Variants in TENM4 observed in about 807,000 individuals in gnomAD.
The protein encoded by TENM4 is teneurin transmembrane protein 4, also known as teneurin-4.
In TENM4, 82 loss-of-function variants were observed where a neutral mutation model predicts 243.3. That is an observed-to-expected ratio of 0.34 (90% CI 0.28 to 0.40). TENM4 has a LOEUF of 0.40. Ranked by LOEUF, TENM4 falls within the 10% of genes least tolerant of loss-of-function variation. The pLI is 1.00. For missense variants in TENM4, 3,138 were observed against 3,673.3 expected (o/e 0.85, Z 3.77); for synonymous variants, 1,412 against 1,456.3 (o/e 0.97, Z 0.69).
Position 78,778,284 on chromosome 11 carries a change from C to T in TENM4, c.2392+318G>A, listed in dbSNP as rs535993317. On this transcript the variant is annotated intron_variant, in intron 17 of 33. Coordinates refer to ENST00000278550, the MANE Select transcript of TENM4 (RefSeq NM_001098816.3). ...GGGCCATAACAGATGGGCAGGGTGA[C>T]ATGAGATGGGGTGGAAAGAGTGAAA... 2.5e-5 allele frequency among the ~76,000 whole-genome samples: 3 copies of T among 118,598 alleles called. No individual in the cohort carries two copies. In the East Asian group the frequency reaches 8.7e-4, roughly 35 times the overall value. The allele number at this position is 118,598 out of a possible 152,430, so 77.8% of individuals were successfully genotyped here.
At chr11:78,794,718 G>A (rs759112899) in intron 15 of TENM4, among the ~76,000 whole-genome samples, 4 of 152,188 alleles carry the variant, frequency 2.6e-5, no homozygotes, top group Non-Finnish European at 5.9e-5. Flanking sequence ...AGCAGAAAAT[G>A]TAGAAGGAGA....
chr11:79,332,097 T>C (rs1377380555), intron 1 of TENM4, among the ~76,000 whole-genome samples: 3 of 152,210 alleles, frequency 2.0e-5, no homozygotes, highest in African/African-American at 4.8e-5. Context: ...GTAAAGTAGT[T>C]TTGATTATTA....
intron 9 of TENM4, among the ~76,000 whole-genome samples, chr11:78,869,461 A>G (rs917682463): frequency 1.3e-5 from 2 of 152,212 alleles, no homozygotes. Context: ...CAGCATTAAA[A>G]AGGAAGCCTC....
intron 6 of TENM4, among the ~76,000 whole-genome samples, chr11:78,922,523 GA>G (rs1219401979): frequency 6.6e-6 from 1 of 152,060 alleles, no homozygotes; most frequent in Admixed American, 6.5e-5. Context: ...TCCTACATGC[GA>G]AAAAAACAGA....
At chr11:78,858,258 G>A (rs1858726538) in intron 10 of TENM4, among the ~76,000 whole-genome samples, 1 of 152,154 alleles carries the variant, frequency 6.6e-6, no homozygotes, top group Non-Finnish European at 1.5e-5. Context: ...GCATAAATAA[G>A]TTGGCTCTTA....
chr11:79,179,187 C>A (rs542060912), intron 3 of TENM4, among the ~76,000 whole-genome samples: 1 of 152,324 alleles, frequency 6.6e-6, no homozygotes, highest in East Asian at 1.9e-4. Flanking sequence ...TTGCCAACTA[C>A]CTCACAACGT....
chr11:79,216,533 G>T (rs1864053838), intron 2 of TENM4, among the ~76,000 whole-genome samples: 1 of 152,226 alleles, frequency 6.6e-6, no homozygotes, highest in African/African-American at 2.4e-5. Flanking sequence ...ATGTGGTAGT[G>T]TTGGGAGGTA....
chr11:78,978,216 TA>T (rs1162596684), intron 6 of TENM4, among the ~76,000 whole-genome samples: 13 of 151,540 alleles, frequency 8.6e-5, no homozygotes, highest in Non-Finnish European at 1.8e-4. Flanking sequence ...GATGGGGGGC[TA>T]GGGGAGGGAT....
chr11:78,696,962 G>C (rs1466635735), intron 28 of TENM4, among the ~76,000 whole-genome samples: 1 of 152,174 alleles, frequency 6.6e-6, no homozygotes, highest in Non-Finnish European at 1.5e-5. Context: ...CACAGATGAA[G>C]GGTGTTGTTC....
At chr11:78,805,225 G>A in intron 15 of TENM4, 67 bp downstream of exon 15, 1 of 692,440 alleles carries the variant, frequency 1.4e-6, no homozygotes, top group Non-Finnish European at 1.9e-6. Context: ...ACAGTCACGT[G>A]ATTGGTGACC....
At chr11:78,723,893 A>T (rs950188668) in intron 23 of TENM4, among the ~76,000 whole-genome samples, 3 of 152,168 alleles carry the variant, frequency 2.0e-5, no homozygotes, top group South Asian at 2.1e-4. Context: ...TTTCTACCTT[A>T]AAGTTTGTAC....
chr11:79,188,981 T>C (rs182463840), intron 3 of TENM4, among the ~76,000 whole-genome samples: 1 of 152,340 alleles, frequency 6.6e-6, no homozygotes, highest in Admixed American at 6.5e-5. Flanking sequence ...ATTATTAGTA[T>C]GAAATTCACA....
chr11:79,069,757 A>G lies in TENM4; in HGVS notation c.188T>C (p.Ile63Thr). ...RLAYGSRVKD[I>T]VPQEAEEFCR... is the part of the protein sequence containing the mutation. ...GAATTCCTCGGCCTCCTGCGGCACA[A>G]TGTCCTTGACGCGGCTGCCATAGGC... Residue 63 changes from isoleucine (I) to threonine (T), a missense_variant, in exon 5 of 34, where the codon ATT becomes ACT. By Grantham distance (89) the Ile-to-Thr change is moderately conservative (BLOSUM62 -1). This residue lies in a region of TENM4 where 671 missense variants were observed against 614.1 expected (regional missense o/e 1.09). Coordinates refer to ENST00000278550, the MANE Select transcript of TENM4 (RefSeq NM_001098816.3). 1.3e-6 allele frequency: 2 copies of G among 1,551,162 alleles called. No homozygotes were observed. Among genetic ancestry groups the G allele is most frequent in the Non-Finnish European group, 1.7e-6 (2 of 1,146,906 alleles).
chr11:79,053,148 G>T (rs1859845231), intron 6 of TENM4, among the ~76,000 whole-genome samples: 1 of 152,108 alleles, frequency 6.6e-6, no homozygotes, highest in Non-Finnish European at 1.5e-5. Flanking sequence ...ATAACCAGTT[G>T]GGCACCCTCT....
At chr11:78,997,162 T>C (rs1858196250) in intron 6 of TENM4, among the ~76,000 whole-genome samples, 1 of 152,150 alleles carries the variant, frequency 6.6e-6, no homozygotes, top group Non-Finnish European at 1.5e-5. Flanking sequence ...CCTAAGATAG[T>C]GTTTGGTACA....
At chr11:79,033,681 T>C (rs969142654) in intron 6 of TENM4, among the ~76,000 whole-genome samples, 6 of 152,204 alleles carry the variant, frequency 3.9e-5, no homozygotes, top group African/African-American at 1.4e-4. Flanking sequence ...AGAGCTTCAG[T>C]CCATGGATGT....
chr11:78,750,143 C>G (rs1218413829), intron 19 of TENM4, among the ~76,000 whole-genome samples: 1 of 152,212 alleles, frequency 6.6e-6, no homozygotes, highest in Non-Finnish European at 1.5e-5. Flanking sequence ...TTTCTACAAT[C>G]CTGTTCAACT....
At chr11:78,967,464 A>G (rs1857460336) in intron 6 of TENM4, among the ~76,000 whole-genome samples, 1 of 152,206 alleles carries the variant, frequency 6.6e-6, no homozygotes, top group South Asian at 2.1e-4. Flanking sequence ...GGAAATTTTT[A>G]AAGCAGGAAA....
intron 6 of TENM4, among the ~76,000 whole-genome samples, chr11:79,006,567 C>T (rs1429765292): frequency 1.3e-5 from 2 of 152,042 alleles, no homozygotes; most frequent in South Asian, 4.1e-4. Context: ...TTATTTAACA[C>T]ACTAGATAAC....
Sources: allele counts gnomAD v4.1 joint callset (sites outside exome capture counted in the v4.1 genomes callset), GRCh38; gene constraint gnomAD v4.1.1; regional missense constraint gnomAD v4.1.1; transcripts MANE v1.5; gene names NCBI Gene and HGNC (gene_info 2026-07-23, HGNC 2026-07-21).